Variants in PRKRIP1 observed in about 807,000 individuals in gnomAD.
PRKRIP1 encodes PRKR interacting protein 1, also known as PRKR-interacting protein 1.
In PRKRIP1, 29 loss-of-function variants were observed where a neutral mutation model predicts 29.3. The ratio of observed to expected loss-of-function variants is 0.99; its 90% CI spans 0.74 to 1.35. The LOEUF (loss-of-function observed/expected upper bound fraction) is 1.35, where lower values mean the gene tolerates loss of function less well. PRKRIP1 is among the 40% of genes most tolerant of loss of function. The probability of loss-of-function intolerance (pLI) is 0.00; values close to 1 mark genes in which losing one functional copy is unlikely to be tolerated. For synonymous variants in PRKRIP1, 90 were observed against 85.1 expected, an observed-to-expected ratio of 1.06 and a Z score of -0.32; for missense variants, 247 against 236.8, an observed-to-expected ratio of 1.04 and a Z score of -0.28.
chr7:102,413,400 C>T (rs1423255325), intron 5 of PRKRIP1, among the ~76,000 whole-genome samples: 1 of 152,138 alleles, frequency 6.6e-6, no homozygotes, highest in African/African-American at 2.4e-5. Flanking sequence ...TCCTTTGTGT[C>T]TTTGGAAAAA....
chr7:102,404,772 G>C lies in PRKRIP1; in HGVS notation c.392+89G>C. ...CCTTGCAGTCAGTAGTAGTTCCTCTGCATGACCTGTAGGGGTCATGAATGT... is the reference window on the plus strand; with the variant it reads ...CCTTGCAGTCAGTAGTAGTTCCTCTCCATGACCTGTAGGGGTCATGAATGT... On this transcript the variant is annotated intron_variant, in intron 4 of 5. Coordinates refer to ENST00000397912, the MANE Select transcript of PRKRIP1 (RefSeq NM_024653.4). The C allele has an allele frequency of 7.5e-6, 7 of 938,536 alleles. No individual in the cohort carries two copies. The South Asian group carries it at 1.0e-4, about 13-fold the overall frequency. 58.1% of individuals were successfully genotyped at this position (938,536 alleles called of 1,614,324 possible).
At chr7:102,411,063 G>A (rs1053960413) in intron 5 of PRKRIP1, among the ~76,000 whole-genome samples, 9 of 152,024 alleles carry the variant, frequency 5.9e-5, no homozygotes, top group Admixed American at 5.2e-4. Context: ...TGAGTAGCTG[G>A]GCCTACAGGT....
In PRKRIP1 at chr7:102,399,564, C is replaced by G. The variant is rs150098085; in HGVS notation, c.222C>G (p.Ala74=). The change falls in exon 3 of 6, where the codon GCC becomes GCG. Residue 74 remains alanine, a synonymous_variant. Transcript: ENST00000397912. ...VRDVMGSSAG[A]GSGEFHVYRH... is the part of the protein sequence containing the mutation. ...TGGCTACAGGTTCAAGTGCTGGGGC[C>G]GGCAGTGGAGAGTTCCACGTGTACA... is the stretch of plus-strand genomic sequence containing the variant. The G allele has an allele frequency of 6.2e-7, 1 of 1,613,930 alleles. No individual in the cohort carries two copies. The highest frequency in any genetic ancestry group is 1.6e-4 in the Middle Eastern group (1 of 6,062).
At chr7:102,412,678 C>T (rs1796420001) in intron 5 of PRKRIP1, among the ~76,000 whole-genome samples, 1 of 152,154 alleles carries the variant, frequency 6.6e-6, no homozygotes, top group Non-Finnish European at 1.5e-5. Context: ...GTGGTAATAC[C>T]GAGTTGCGCC....
rs150471219 is a variant in PRKRIP1 at position 102,400,624 on chromosome 7, T to A, written c.306+976T>A. 2.6e-4 allele frequency among the ~76,000 whole-genome samples: 40 copies of A among 152,290 alleles called. No homozygotes were observed. The East Asian group carries it at 7.1e-3, about 27-fold the overall frequency. On this transcript the variant is annotated intron_variant, in intron 3 of 5. Transcript: ENST00000397912. ...CACTCGAGATCTGGGCATTTGGTTC[T>A]GTGTAGATACTAACTTTATTTATTA...
rs781908084 is a variant in PRKRIP1 at position 102,425,045 on chromosome 7, C to T, written c.489C>T (p.Ser163=). 6 of 1,613,690 alleles carry T rather than the reference C, an allele frequency of 3.7e-6. No individual in the cohort carries two copies. Among genetic ancestry groups the T allele is most frequent in the Non-Finnish European group, 5.1e-6 (6 of 1,179,960 alleles). Residue 163 remains serine (S), a synonymous_variant, in exon 6 of 6, where the codon AGC becomes AGT. Transcript: ENST00000397912. ...GPGQPKEQGS[S]SSAEASGTEE... is the part of the protein sequence containing the mutation. ...GTCAGCCCAAGGAGCAGGGGTCCAG[C>T]AGCTCTGCGGAGGCATCTGGAACAG...
intron 3 of PRKRIP1, among the ~76,000 whole-genome samples, chr7:102,402,146 G>T (rs10229997): frequency 0.019 from 2,942 of 152,238 alleles, 86 homozygotes; most frequent in African/African-American, 0.066. Flanking sequence ...AATGCTCTGT[G>T]TATAGAAACC....
chr7:102,402,543 A>G lies in PRKRIP1; in HGVS notation c.307-2055A>G, dbSNP rs78805179. ...TAAACTATTTTAGAGGGGAGGACAT[A>G]GAGTAGGTTGCTGTCTCAAACACTA... On this transcript the variant is annotated intron_variant, in intron 3 of 5. Coordinates refer to ENST00000397912, the MANE Select transcript of PRKRIP1 (RefSeq NM_024653.4). Among the ~76,000 whole-genome samples the G allele has an allele frequency of 9.6e-4, 146 of 152,290 alleles. 1 individual carries two copies. The highest frequency in any genetic ancestry group is 3.4e-3 in the African/African-American group (141 of 41,568).
At chr7:102,416,246 C>T (rs1384887156) in intron 5 of PRKRIP1, among the ~76,000 whole-genome samples, 1 of 152,190 alleles carries the variant, frequency 6.6e-6, no homozygotes, top group African/African-American at 2.4e-5. Flanking sequence ...ACTTTAGATT[C>T]ACAGAAAGAT....
intron 1 of PRKRIP1, among the ~76,000 whole-genome samples, 168 bp from the exon 2 acceptor site, chr7:102,397,451 CG>C (rs1202627732): frequency 3.4e-4 from 52 of 152,042 alleles, no homozygotes; most frequent in African/African-American, 1.2e-3. Flanking sequence ...GAGACTGAAC[CG>C]GGAGGATCAC....
chr7:102,397,337 A>C (rs1795935026), intron 1 of PRKRIP1, among the ~76,000 whole-genome samples: 1 of 152,096 alleles, frequency 6.6e-6, no homozygotes, highest in Non-Finnish European at 1.5e-5. Context: ...GAGGCCAGGA[A>C]GGAGTTCAAG....
chr7:102,421,269 C>A (rs111233599), intron 5 of PRKRIP1, among the ~76,000 whole-genome samples: 76 of 152,272 alleles, frequency 5.0e-4, no homozygotes, highest in African/African-American at 1.8e-3. Flanking sequence ...TGAGGCTGGG[C>A]ACGGTGGCTC....
intron 2 of PRKRIP1, among the ~76,000 whole-genome samples, chr7:102,398,698 C>T (rs1308737061): frequency 2.6e-5 from 4 of 152,060 alleles, no homozygotes; most frequent in South Asian, 2.1e-4. Flanking sequence ...GGAGATGGTG[C>T]GGGTTTAGTT....
chr7:102,399,724 G>A (rs1429724626), intron 3 of PRKRIP1, 76 bp downstream of exon 3: 1 of 1,227,042 alleles, frequency 8.1e-7, no homozygotes, highest in Non-Finnish European at 1.2e-6. Context: ...AAAAGCATTT[G>A]AAGAGGCTGG....
rs573421996 is a variant in PRKRIP1, at chr7:102,406,942, G to A, written c.393-492G>A. Among the ~76,000 whole-genome samples, 89 of 152,104 alleles carry A rather than the reference G, an allele frequency of 5.9e-4. 2 individuals are homozygous for A. In the South Asian group the frequency reaches 0.015, roughly 26 times the overall value. On this transcript the variant is annotated intron_variant, in intron 4 of 5. Transcript: ENST00000397912. ...CTATTTAAGAATATATAGGCCGGGC[G>A]TGGTGGCTCACACCCGTAATCCCAG...
At chr7:102,402,970 G>A (rs1024121605) in intron 3 of PRKRIP1, among the ~76,000 whole-genome samples, 2 of 152,016 alleles carry the variant, frequency 1.3e-5, no homozygotes, top group East Asian at 1.9e-4. Context: ...TGCCTCCTGG[G>A]TTCAAGCAAT....
chr7:102,424,796 G>A (rs1796791173), intron 5 of PRKRIP1, among the ~76,000 whole-genome samples: 1 of 152,088 alleles, frequency 6.6e-6, no homozygotes, highest in Admixed American at 6.6e-5. Context: ...GGTAAAGATG[G>A]GGTGCACCCG....
At chr7:102,419,882 TGTGTGTGTGTGTG>T in intron 5 of PRKRIP1, among the ~76,000 whole-genome samples, 1 of 147,514 alleles carries the variant, frequency 6.8e-6, no homozygotes, top group Non-Finnish European at 1.5e-5. Flanking sequence ...TGTGTGTGTG[TGTGTGTGTGTGTG>T]TTTTTGAGAT....
intron 5 of PRKRIP1, among the ~76,000 whole-genome samples, chr7:102,414,287 T>A (rs1161473722): frequency 2.0e-5 from 3 of 152,158 alleles, no homozygotes; most frequent in African/African-American, 7.2e-5. Context: ...CAAATATCAT[T>A]TCCTGAATTG....
Sources: allele counts gnomAD v4.1 joint callset (sites outside exome capture counted in the v4.1 genomes callset), GRCh38; gene constraint gnomAD v4.1.1; transcripts MANE v1.5; gene names NCBI Gene and HGNC (gene_info 2026-07-23, HGNC 2026-07-21).